Variants in BMP1 observed in about 807,000 individuals in gnomAD.
The protein encoded by BMP1 is bone morphogenetic protein 1, also known as mammalian tolloid protein.
BMP1 carries 63 observed loss-of-function variants against 116.8 expected under a neutral mutation model. The observed-to-expected ratio is 0.54, with a 90% confidence interval of 0.44 to 0.67. The LOEUF is 0.67. BMP1 is among the 30% of genes least tolerant of loss of function. The probability of loss-of-function intolerance (pLI) is 0.00; values close to 1 mark genes in which losing one functional copy is unlikely to be tolerated. For synonymous variants in BMP1, 536 were observed against 533.4 expected, an observed-to-expected ratio of 1.00 and a Z score of -0.07; for missense variants, 1,183 against 1,358.9, an observed-to-expected ratio of 0.87 and a Z score of 2.04.
At chr8:22,207,139 G>A (rs570176660) in intron 17 of BMP1, among the ~76,000 whole-genome samples, 158 bp downstream of exon 17, 1 of 152,336 alleles carries the variant, frequency 6.6e-6, no homozygotes, top group East Asian at 1.9e-4. Flanking sequence ...GTATAAATTA[G>A]GGGCGTCCCT....
At chr8:22,177,296 G>A (rs1202821080) in intron 5 of BMP1, among the ~76,000 whole-genome samples, 157 bp downstream of exon 5, 1 of 152,238 alleles carries the variant, frequency 6.6e-6, no homozygotes, top group Non-Finnish European at 1.5e-5. Flanking sequence ...CCCTGCCCTT[G>A]AGGCATTTCC....
At chr8:22,199,672 A>G (rs1021815605) in intron 15 of BMP1, among the ~76,000 whole-genome samples, 2 of 152,180 alleles carry the variant, frequency 1.3e-5, no homozygotes, top group South Asian at 4.1e-4. Flanking sequence ...CTCAGTCCGT[A>G]AGCTGGGCCC....
Position 22,207,479 on chromosome 8 carries a change from G to A in BMP1, c.2538G>A (p.Ser846=), listed in dbSNP as rs763570635. 5.1e-5 allele frequency: 83 copies of A among 1,613,714 alleles called. No individual in the cohort carries two copies. Among genetic ancestry groups the A allele is most frequent in the Non-Finnish European group, 6.2e-5 (73 of 1,180,044 alleles). ...RMFLRFYSDN[S]VQRKGFQASH... ...TCCTGCGCTTCTACTCAGATAACTC[G>A]GTCCAGCGAAAGGGCTTCCAGGCCT... Residue 846 remains serine (S), a synonymous_variant, in exon 18 of 20, where the codon TCG becomes TCA. Coordinates refer to ENST00000306385, the MANE Select transcript of BMP1 (RefSeq NM_006129.5).
intron 1 of BMP1, among the ~76,000 whole-genome samples, chr8:22,167,838 C>G (rs536593300): frequency 1.2e-4 from 19 of 152,166 alleles, no homozygotes; most frequent in Non-Finnish European, 2.4e-4. Flanking sequence ...ATGGGCATTC[C>G]TAAGTACTCA....
chr8:22,207,251 C>T (rs778702677), intron 17 of BMP1, 52 bp from the exon 18 acceptor site: 4 of 1,574,558 alleles, frequency 2.5e-6, no homozygotes, highest in Admixed American at 1.7e-5. Flanking sequence ...ATCCTTGCCC[C>T]ACCTGCCTTC....
In BMP1 at chr8:22,165,830, A is replaced by G. The variant is rs1157017443; in HGVS notation, c.148+277A>G. Among the ~76,000 whole-genome samples the G allele has an allele frequency of 4.0e-5, 6 of 149,820 alleles. 2 individuals carry two copies. In the East Asian group the frequency reaches 1.2e-3, roughly 30 times the overall value. On this transcript the variant is annotated intron_variant, in intron 1 of 19. Transcript: ENST00000306385. ...TTGCGTCCCGGGAAAACCGGCGGGC[A>G]AGGCGGCTTTTCCTTCTGTAGGAAA... is the stretch of plus-strand genomic sequence containing the variant.
intron 6 of BMP1, among the ~76,000 whole-genome samples, chr8:22,178,273 A>G (rs1828511866): frequency 6.6e-6 from 1 of 152,158 alleles, no homozygotes; most frequent in Admixed American, 6.5e-5. Context: ...CTGAGCTTTT[A>G]TTTGTGGGCC....
At chr8:22,176,861 C>A in intron 4 of BMP1, 100 bp from the exon 5 acceptor site, 3 of 1,101,090 alleles carry the variant, frequency 2.7e-6, no homozygotes, top group Non-Finnish European at 3.9e-6. Flanking sequence ...CCCTCCCCTT[C>A]GCTCCCCTGC....
Position 22,209,664 on chromosome 8 carries a change from C to A in BMP1, c.2795C>A (p.Ala932Asp), listed in dbSNP as rs775295740. 1.2e-6 allele frequency: 2 copies of A among 1,613,972 alleles called. No individual in the cohort carries two copies. Among genetic ancestry groups the A allele is most frequent in the South Asian group, 2.2e-5 (2 of 91,078 alleles). The change falls in exon 19 of 20, where the codon GCC (alanine) becomes GAC (aspartate). Residue 932 changes from alanine (A) to aspartate (D), a missense_variant. This residue lies in a region of BMP1 where 956 missense variants were observed against 1,135.2 expected (regional missense o/e 0.84). Coordinates refer to ENST00000306385, the MANE Select transcript of BMP1 (RefSeq NM_006129.5). ...CTCTTCGACGGCTACGACAGCACAGCCCCCAGGCTGGGGCGCTACTGTGGC... is the reference window on the plus strand; with the variant it reads ...CTCTTCGACGGCTACGACAGCACAGACCCCAGGCTGGGGCGCTACTGTGGC... ...MELFDGYDST[A>D]PRLGRYCGSG...
chr8:22,192,194 C>G, intron 9 of BMP1, 43 bp downstream of exon 9: 1 of 1,523,804 alleles, frequency 6.6e-7, no homozygotes, highest in East Asian at 2.3e-5. Context: ...TGCTGATTCC[C>G]TCTCTGAGCC....
rs545087032 is a variant in BMP1 at position 22,192,522 on chromosome 8, A to G, written c.1180+371A>G. On this transcript the variant is annotated intron_variant, in intron 9 of 19. Coordinates refer to ENST00000306385, the MANE Select transcript of BMP1 (RefSeq NM_006129.5). ...TCATCTGGGCACTTTCAGAGGATCC[A>G]CTATTTTTTTCTATCTGCCCTTCTG... Among the ~76,000 whole-genome samples the G allele has an allele frequency of 2.0e-5, 3 of 152,228 alleles. No individual in the cohort carries two copies. In the South Asian group the frequency reaches 6.2e-4, roughly 32 times the overall value.
At chr8:22,180,316 A>G in intron 7 of BMP1, 52 bp from the exon 8 acceptor site, 2 of 1,457,206 alleles carry the variant, frequency 1.4e-6, no homozygotes, top group Non-Finnish European at 1.9e-6. Flanking sequence ...GAGCCAGAAG[A>G]TGGGGGGATT....
rs773067475 is a variant in BMP1 at position 22,207,324 on chromosome 8, G to A, written c.2383G>A (p.Glu795Lys). The change falls in exon 18 of 20, where the codon GAG (glutamate) becomes AAG (lysine). Residue 795 changes from glutamate (E) to lysine (K), a missense_variant. By Grantham distance (56) the Glu-to-Lys change is moderately conservative. Around this residue, in one of 4 missense-constraint regions of BMP1, gnomAD observed 956 missense variants for 1,135.2 expected, o/e 0.84. Transcript: ENST00000306385. ...CTAGACCTTCATGGAGATGGACATC[G>A]AGTCCCAGCCTGAGTGTGCCTACGA... ...VKLTFMEMDI[E>K]SQPECAYDHL... The A allele has an allele frequency of 7.4e-6, 12 of 1,612,686 alleles. No individual in the cohort carries two copies. The highest frequency in any genetic ancestry group is 5.0e-5 in the Admixed American group (3 of 59,998).
rs1586469591 is a variant in BMP1 at position 22,201,666 on chromosome 8, C to T, written c.2108-137C>T. 4 of 1,449,084 alleles carry T rather than the reference C, an allele frequency of 2.8e-6. No homozygotes were observed. In the East Asian group the frequency reaches 1.0e-4, roughly 36 times the overall value. The allele number at this position is 1,449,084 out of a possible 1,614,324, so 89.8% of individuals were successfully genotyped here. A position where few individuals can be genotyped will look rare whatever the true frequency, so the allele number is the denominator to read the frequency against. ...TGTCGCCTGGCCTCCCACTCCCGGC[C>T]ACCTGGCCTGGCCAGCTCTGCCAGC... is the stretch of plus-strand genomic sequence containing the variant. On this transcript the variant is annotated intron_variant, in intron 15 of 19. Coordinates refer to ENST00000306385, the MANE Select transcript of BMP1 (RefSeq NM_006129.5).
chr8:22,167,369 G>C (rs949897014), intron 1 of BMP1, among the ~76,000 whole-genome samples: 1 of 152,180 alleles, frequency 6.6e-6, no homozygotes, highest in Non-Finnish European at 1.5e-5. Context: ...TGCCACATTG[G>C]AGGGTAGGAT....
At chr8:22,190,391 G>C (rs1828896661) in intron 8 of BMP1, among the ~76,000 whole-genome samples, 1 of 152,222 alleles carries the variant, frequency 6.6e-6, no homozygotes, top group Admixed American at 6.5e-5. Flanking sequence ...AGAGAGAGTA[G>C]ATGGGGGTGA....
chr8:22,189,670 T>A (rs1014991787), intron 8 of BMP1, among the ~76,000 whole-genome samples: 3 of 151,940 alleles, frequency 2.0e-5, no homozygotes, highest in Non-Finnish European at 2.9e-5. Flanking sequence ...TCTCACTGTG[T>A]TGCCCAGGCT....
chr8:22,193,122 A>G (rs778125720), intron 9 of BMP1, among the ~76,000 whole-genome samples: 1 of 152,208 alleles, frequency 6.6e-6, no homozygotes, highest in African/African-American at 2.4e-5. Flanking sequence ...CACCGGCCTT[A>G]TTAGGAACAC....
At position 22,179,620 on chromosome 8, in the gene BMP1, A is replaced by T. The variant is rs768410133; in HGVS notation, c.837-85A>T. 3 of 1,601,222 alleles carry T rather than the reference A, an allele frequency of 1.9e-6. No homozygotes were observed. Among genetic ancestry groups the T allele is most frequent in the Non-Finnish European group, 2.6e-6 (3 of 1,172,822 alleles). On this transcript the variant is annotated intron_variant, in intron 6 of 19. Transcript: ENST00000306385. The surrounding 1 kb of genome is among the most constrained non-coding windows in gnomAD (Gnocchi z 4.6). ...ATGTCTGAGCTCCAGCAGGGTCGTGACTTGTGGGTACAGATGGGCATGCCA... is the reference window on the plus strand; with the variant it reads ...ATGTCTGAGCTCCAGCAGGGTCGTGTCTTGTGGGTACAGATGGGCATGCCA...
Sources: gnomAD v4.1 joint callset for allele counts (sites outside exome capture counted in the v4.1 genomes callset) on GRCh38, gnomAD v4.1.1 for gene constraint, gnomAD v4.1.1 regional missense constraint, Gnocchi (gnomAD v3.1) non-coding constraint, MANE v1.5 for transcripts, NCBI Gene and HGNC (gene_info 2026-07-23, HGNC 2026-07-21) for gene names.